The following PDE4D variants were observed in gnomAD, a reference collection of about 807,000 sequenced individuals.
PDE4D encodes the protein phosphodiesterase 4D.
A neutral mutation model predicts 87.4 loss-of-function variants in PDE4D; 24 were observed. The observed-to-expected ratio is 0.27, with a 90% CI of 0.20 to 0.39. PDE4D has a LOEUF of 0.39. Among genes scored for constraint, PDE4D ranks in the 10% least tolerant of loss-of-function variants. The pLI is 1.00. For missense variants in PDE4D, 714 were observed against 1,041.0 expected (o/e 0.69, Z 4.32); for synonymous variants, 384 against 383.2 (o/e 1.00, Z -0.02).
intron 1 of PDE4D, among the ~76,000 whole-genome samples, chr5:59,738,496 G>A (rs1046009942): frequency 6.6e-6 from 1 of 151,926 alleles, no homozygotes; most frequent in Non-Finnish European, 1.5e-5. Context: ...TGTCTCTTTT[G>A]AATACACACC....
chr5:59,833,113 G>A (rs1741495820), intron 1 of PDE4D, among the ~76,000 whole-genome samples: 2 of 152,070 alleles, frequency 1.3e-5, no homozygotes, highest in Admixed American at 6.6e-5. Context: ...GAAGCAGACC[G>A]GTGTTGCATC....
chr5:59,390,081 T>C (rs1041490653), intron 1 of PDE4D, among the ~76,000 whole-genome samples: 1 of 152,126 alleles, frequency 6.6e-6, no homozygotes, highest in Non-Finnish European at 1.5e-5. Flanking sequence ...ATTGTATGCA[T>C]GAATCAAAAT....
chr5:60,006,926 A>G (rs1042845941), intron 2 of PDE4D, among the ~76,000 whole-genome samples: 7 of 152,034 alleles, frequency 4.6e-5, no homozygotes, highest in African/African-American at 1.7e-4. Flanking sequence ...GTTAGCATAC[A>G]GCACCTCAGG....
chr5:60,339,321 C>T (rs1454642475), intron 1 of PDE4D, among the ~76,000 whole-genome samples: 1 of 152,126 alleles, frequency 6.6e-6, no homozygotes, highest in Non-Finnish European at 1.5e-5. Context: ...AACACAAGCA[C>T]TTCCATACCT....
At chr5:60,052,626 C>T (rs1490536866) in intron 2 of PDE4D, among the ~76,000 whole-genome samples, 14 of 152,152 alleles carry the variant, frequency 9.2e-5, no homozygotes, top group Admixed American at 9.2e-4. Context: ...TGAAAACAGG[C>T]ACAAGACAAG....
At chr5:60,257,849 T>C (rs1049614262) in intron 1 of PDE4D, among the ~76,000 whole-genome samples, 4 of 151,960 alleles carry the variant, frequency 2.6e-5, no homozygotes, top group African/African-American at 9.7e-5. Context: ...TGATTCTCAT[T>C]ATTCTTAAGG....
chr5:59,405,245 T>C, intron 1 of PDE4D, among the ~76,000 whole-genome samples: 1 of 152,216 alleles, frequency 6.6e-6, no homozygotes, highest in Non-Finnish European at 1.5e-5. Context: ...TGTGTTCTCT[T>C]TAATTTCTTT....
chr5:59,913,098 A>G (rs1753629492), intron 3 of PDE4D, among the ~76,000 whole-genome samples: 1 of 152,068 alleles, frequency 6.6e-6, no homozygotes, highest in Non-Finnish European at 1.5e-5. Context: ...CCAGATGGTA[A>G]GCCATTACAG....
At chr5:59,708,835 C>T (rs1753806542) in intron 1 of PDE4D, among the ~76,000 whole-genome samples, 1 of 151,374 alleles carries the variant, frequency 6.6e-6, no homozygotes. Flanking sequence ...TCCACTTCTA[C>T]TTAGGACGTG....
chr5:59,856,554 G>C (rs181697160), intron 1 of PDE4D, among the ~76,000 whole-genome samples: 1 of 152,268 alleles, frequency 6.6e-6, no homozygotes, highest in African/African-American at 2.4e-5. Flanking sequence ...AAGTAATTTT[G>C]TAATTGCCTT....
intron 3 of PDE4D, among the ~76,000 whole-genome samples, chr5:59,983,713 T>C (rs996494831): frequency 6.6e-6 from 1 of 152,172 alleles, no homozygotes; most frequent in Admixed American, 6.5e-5. Flanking sequence ...TACTAAGTGT[T>C]GGTGAGAATG....
At chr5:59,609,981 G>A (rs1194103671) in intron 1 of PDE4D, among the ~76,000 whole-genome samples, 3 of 152,194 alleles carry the variant, frequency 2.0e-5, no homozygotes, top group African/African-American at 7.2e-5. Context: ...GGCTTCCCCT[G>A]AGAGAGCAAG....
intron 2 of PDE4D, among the ~76,000 whole-genome samples, chr5:60,115,351 G>C (rs1778074413): frequency 6.6e-6 from 1 of 152,058 alleles, no homozygotes. Context: ...TGAGGTCTCT[G>C]AGTGAATCTG....
At chr5:59,172,658 A>T (rs1356888247) in intron 5 of PDE4D, 1 of 151,726 alleles carries the variant, frequency 6.6e-6, no homozygotes, top group Non-Finnish European at 1.5e-5. Flanking sequence ...CAATGAGACA[A>T]GATCGTACCA....
intron 1 of PDE4D, among the ~76,000 whole-genome samples, chr5:59,601,160 C>G (rs979898708): frequency 6.6e-6 from 1 of 152,212 alleles, no homozygotes; most frequent in South Asian, 2.1e-4. Flanking sequence ...TGTTTGCAGA[C>G]TAACACATTC....
chr5:59,469,957 G>A (rs746912011), intron 1 of PDE4D, among the ~76,000 whole-genome samples: 3 of 152,022 alleles, frequency 2.0e-5, no homozygotes, highest in Admixed American at 1.3e-4. Flanking sequence ...TTTTGACCAC[G>A]CCAGAAAGGC....
intron 1 of PDE4D, among the ~76,000 whole-genome samples, chr5:59,694,094 G>C (rs1341796615): frequency 6.6e-6 from 1 of 152,158 alleles, no homozygotes; most frequent in Non-Finnish European, 1.5e-5. Flanking sequence ...CAAAGTCTGT[G>C]ACACAATTCT....
Position 59,889,228 on chromosome 5 carries a change from T to TTA in PDE4D, c.455+3939_455+3940insTA, listed in dbSNP as rs1750599278. On this transcript the variant is annotated intron_variant, in intron 1 of 14. Coordinates refer to ENST00000340635, the MANE Select transcript of PDE4D (RefSeq NM_001104631.2). ...CTGGGTGACAGAGCGAGACTCTGTC[T>TTA]AAAAAAAAAAAAAAAAAAAAAGCTA... is the stretch of plus-strand genomic sequence containing the variant. 5.6e-5 allele frequency among the ~76,000 whole-genome samples: 4 copies of TTA among 71,106 alleles called. No individual in the cohort carries two copies. In the South Asian group the frequency reaches 1.9e-3, roughly 34 times the overall value. The allele number at this position is 71,106 out of a possible 152,430, so 46.6% of individuals were successfully genotyped here.
At chr5:59,940,062 C>T (rs1757018459) in intron 3 of PDE4D, among the ~76,000 whole-genome samples, 2 of 152,136 alleles carry the variant, frequency 1.3e-5, no homozygotes, top group Non-Finnish European at 2.9e-5. Flanking sequence ...GCATAGGGTG[C>T]ACAGGCCTTT....
Sources: allele counts gnomAD v4.1 joint callset (sites outside exome capture counted in the v4.1 genomes callset), GRCh38; gene constraint gnomAD v4.1.1; transcripts MANE v1.5; gene names NCBI Gene and HGNC (gene_info 2026-07-23, HGNC 2026-07-21).